ANO3: variants seen among roughly 807,000 people sequenced by gnomAD.
ANO3 encodes the protein anoctamin 3.
A neutral mutation model predicts 144.8 loss-of-function variants in ANO3; 99 were observed. The ratio of observed to expected loss-of-function variants is 0.68; its 90% CI spans 0.58 to 0.81. ANO3 has a LOEUF of 0.81. ANO3 is among the 30% of genes least tolerant of loss of function. The pLI is 0.00. For synonymous variants in ANO3, 414 were observed against 392.6 expected, an observed-to-expected ratio of 1.05 and a Z score of -0.64; for missense variants, 905 against 1,202.2, an observed-to-expected ratio of 0.75 and a Z score of 3.66.
At chr11:26,567,101 G>A in intron 14 of ANO3, 3 of 1,469,674 alleles carry the variant, frequency 2.0e-6, no homozygotes, top group Non-Finnish European at 2.7e-6. Context: ...CCATTTTGCA[G>A]ATGAAGAAAC....
intron 1 of ANO3, among the ~76,000 whole-genome samples, chr11:26,365,746 A>T (rs1190447242): frequency 1.3e-5 from 2 of 152,024 alleles, no homozygotes; most frequent in Admixed American, 6.6e-5. Flanking sequence ...GTAGGCCTTA[A>T]CCTGGCTCCT....
intron 1 of ANO3, among the ~76,000 whole-genome samples, chr11:26,295,448 C>T (rs1854066176): frequency 6.7e-6 from 1 of 148,416 alleles, no homozygotes; most frequent in Non-Finnish European, 1.5e-5. Flanking sequence ...TGGCGTGAAC[C>T]CGGGAGGCGG....
chr11:26,226,369 C>A (rs1488101796), intron 1 of ANO3, among the ~76,000 whole-genome samples: 2 of 151,816 alleles, frequency 1.3e-5, no homozygotes, highest in African/African-American at 4.8e-5. Context: ...TTCCCTAGTT[C>A]TTTCAATTTT....
At chr11:26,537,353 G>A (rs1849536595) in intron 9 of ANO3, 53 bp from the exon 10 acceptor site, 4 of 1,389,242 alleles carry the variant, frequency 2.9e-6, no homozygotes, top group South Asian at 2.3e-5. Context: ...TTGCTTCAGA[G>A]GAAATGTTTC....
chr11:26,467,628 G>T (rs1295069186), intron 4 of ANO3, among the ~76,000 whole-genome samples: 4 of 151,070 alleles, frequency 2.6e-5, no homozygotes, highest in Non-Finnish European at 5.9e-5. Flanking sequence ...TTTTATGGCT[G>T]AATAGTACTC....
chr11:26,234,308 G>A (rs542610561), intron 1 of ANO3, among the ~76,000 whole-genome samples: 26 of 152,022 alleles, frequency 1.7e-4, no homozygotes, highest in East Asian at 3.9e-4. Flanking sequence ...ATTTAGTGTC[G>A]TATGTGGTAC....
chr11:26,560,510 A>G (rs1398854327), intron 14 of ANO3: 4 of 152,350 alleles, frequency 2.6e-5, no homozygotes, highest in Non-Finnish European at 4.4e-5. Context: ...GTGCTGATCT[A>G]GAAAATTATA....
intron 1 of ANO3, among the ~76,000 whole-genome samples, chr11:26,375,585 AT>A (rs1190712346): frequency 6.6e-6 from 1 of 152,174 alleles, no homozygotes; most frequent in Non-Finnish European, 1.5e-5. Context: ...ATTCAGCAGA[AT>A]TTTCTCCCGA....
intron 1 of ANO3, among the ~76,000 whole-genome samples, chr11:26,225,499 T>C (rs1852238670): frequency 6.6e-6 from 1 of 152,164 alleles, no homozygotes; most frequent in Admixed American, 6.5e-5. Flanking sequence ...CTTCATGCTC[T>C]CTACTAGCCT....
intron 1 of ANO3, among the ~76,000 whole-genome samples, chr11:26,365,786 G>A (rs1314944359): frequency 2.6e-5 from 4 of 151,954 alleles, no homozygotes; most frequent in Admixed American, 2.0e-4. Context: ...AGTCCTCTGG[G>A]CTGGCCTGTG....
chr11:26,268,664 T>C (rs750147207), intron 1 of ANO3, among the ~76,000 whole-genome samples: 1 of 152,196 alleles, frequency 6.6e-6, no homozygotes, highest in African/African-American at 2.4e-5. Context: ...CCGAAGGCCA[T>C]GTTTACCATC....
intron 1 of ANO3, among the ~76,000 whole-genome samples, chr11:26,399,430 A>G (rs1463671525): frequency 1.3e-5 from 2 of 151,816 alleles, no homozygotes; most frequent in African/African-American, 4.8e-5. Context: ...ACTTTTCAGC[A>G]TGACTTTAAA....
chr11:26,471,741 G>A (rs572485767), intron 4 of ANO3, among the ~76,000 whole-genome samples: 1 of 151,980 alleles, frequency 6.6e-6, no homozygotes, highest in South Asian at 2.1e-4. Context: ...TGGGGTAGAT[G>A]CCTTTAGTTC....
intron 1 of ANO3, among the ~76,000 whole-genome samples, chr11:26,203,426 A>G (rs1397597531): frequency 1.3e-5 from 2 of 152,130 alleles, no homozygotes; most frequent in Non-Finnish European, 2.9e-5. Context: ...CAAGTTTTAC[A>G]TGGCACAGGA....
At chr11:26,303,162 C>G (rs1223929833) in intron 1 of ANO3, among the ~76,000 whole-genome samples, 1 of 152,146 alleles carries the variant, frequency 6.6e-6, no homozygotes, top group Non-Finnish European at 1.5e-5. Context: ...AAAACAGAAC[C>G]ACCATTTGAC....
intron 4 of ANO3, among the ~76,000 whole-genome samples, chr11:26,490,466 C>T (rs1032431412): frequency 6.6e-6 from 1 of 152,174 alleles, no homozygotes; most frequent in Non-Finnish European, 1.5e-5. Context: ...TAACAAAATA[C>T]AGAGTTATAG....
At chr11:26,524,654 A>G (rs1849118379) in intron 6 of ANO3, among the ~76,000 whole-genome samples, 1 of 152,152 alleles carries the variant, frequency 6.6e-6, no homozygotes, top group Non-Finnish European at 1.5e-5. Flanking sequence ...TAAGAGATGA[A>G]TTAATTCTGT....
upstream of ANO3, among the ~76,000 whole-genome samples, chr11:26,329,872 G>C (rs1288668383): frequency 6.6e-6 from 1 of 151,132 alleles, no homozygotes; most frequent in African/African-American, 2.4e-5. Flanking sequence ...GAGTGCGGTG[G>C]TGCGATCTAG....
At chr11:26,444,919 A>G (rs1858650440) in intron 3 of ANO3, among the ~76,000 whole-genome samples, 1 of 152,202 alleles carries the variant, frequency 6.6e-6, no homozygotes, top group Non-Finnish European at 1.5e-5. Flanking sequence ...TTTCATATAC[A>G]GAATCAAAAA....
Sources: gnomAD v4.1 joint callset for allele counts (sites outside exome capture counted in the v4.1 genomes callset) on GRCh38, gnomAD v4.1.1 for gene constraint, MANE v1.5 for transcripts, NCBI Gene and HGNC (gene_info 2026-07-23, HGNC 2026-07-21) for gene names.